The following SLC5A3 variants were observed in gnomAD, a reference collection of about 807,000 sequenced individuals.
The protein encoded by SLC5A3 is solute carrier family 5 member 3.
In SLC5A3, 10 loss-of-function variants were observed where a neutral mutation model predicts 43.2. The observed-to-expected ratio is 0.23, with a 90% CI of 0.14 to 0.39. SLC5A3 has a LOEUF of 0.39. SLC5A3 is among the 10% of genes least tolerant of loss of function. The pLI, the probability that SLC5A3 is intolerant of heterozygous loss-of-function variation, is 1.00. For missense variants in SLC5A3, 608 were observed against 893.4 expected (o/e 0.68, Z 4.07); for synonymous variants, 349 against 322.0 (o/e 1.08, Z -0.90).
intron 1 of SLC5A3, among the ~76,000 whole-genome samples, chr21:34,079,715 C>T (rs1357982156): frequency 4.2e-5 from 6 of 142,634 alleles, no homozygotes; most frequent in African/African-American, 1.6e-4. Flanking sequence ...TCCCAAAGTG[C>T]TGGGATTACA....
intron 1 of SLC5A3, among the ~76,000 whole-genome samples, chr21:34,090,292 C>G (rs1330059960): frequency 6.6e-6 from 1 of 152,200 alleles, no homozygotes; most frequent in Non-Finnish European, 1.5e-5. Context: ...GAGGACAGTC[C>G]TATGTGAGTA....
Position 34,098,054 on chromosome 21 carries a change from G to A in SLC5A3, c.*699G>A, listed in dbSNP as rs1979055938. On this transcript the variant is annotated 3_prime_UTR_variant, in exon 2 of 2. Coordinates refer to ENST00000381151, the MANE Select transcript of SLC5A3 (RefSeq NM_006933.7). The stretch of plus-strand genomic sequence containing the variant: ...CCATACTGAAATGACCAACAAGTCT[G>A]CCTGTAAAGTTACATGTCATGATTG... The A allele has an allele frequency of 2.0e-6, 2 of 998,888 alleles. No individual in the cohort carries two copies. Among genetic ancestry groups the A allele is most frequent in the South Asian group, 9.4e-5 (2 of 21,264 alleles). 61.9% of individuals were successfully genotyped at this position (998,888 alleles called of 1,614,324 possible). A position where few individuals can be genotyped will look rare whatever the true frequency, so the allele number is the denominator to read the frequency against.
Position 34,101,574 on chromosome 21 carries a change from T to C in SLC5A3, c.*4219T>C. The stretch of plus-strand genomic sequence containing the variant: ...AGACTGGTCTTTCTCTTTGTCTTCC[T>C]TCACATTGCTGTGTCAGTTCTACAC... On this transcript the variant is annotated 3_prime_UTR_variant, in exon 2 of 2. Coordinates refer to ENST00000381151, the MANE Select transcript of SLC5A3 (RefSeq NM_006933.7). 1 of 1,000,132 alleles carries C rather than the reference T, an allele frequency of 1.0e-6. No homozygotes were observed. The highest frequency in any genetic ancestry group is 1.2e-6 in the Non-Finnish European group (1 of 829,894). 62.0% of individuals were successfully genotyped at this position (1,000,132 alleles called of 1,614,324 possible). A position where few individuals can be genotyped will look rare whatever the true frequency, so the allele number is the denominator to read the frequency against.
Position 34,097,012 on chromosome 21 carries a change from T to G in SLC5A3, c.1814T>G (p.Leu605Arg). 1 of 1,614,174 alleles carries G rather than the reference T, an allele frequency of 6.2e-7. No homozygotes were observed. Among genetic ancestry groups the G allele is most frequent in the Non-Finnish European group, 8.5e-7 (1 of 1,180,008 alleles). The change falls in exon 2 of 2, where the codon CTG (leucine) becomes CGG (arginine). Residue 605 changes from leucine (L) to arginine (R), a missense_variant. Physicochemically the swap from Leu to Arg is moderately radical, Grantham distance 102. This residue lies in a region of SLC5A3 where 210 missense variants were observed against 224.8 expected (regional missense o/e 0.93). Coordinates refer to ENST00000381151, the MANE Select transcript of SLC5A3 (RefSeq NM_006933.7). ...IKGLQPEDVN[L>R]LVTCREEGNP... ...GGCCTTCAGCCTGAAGATGTTAATC[T>G]GTTGGTAACCTGCAGAGAGGAGGGC... is the stretch of plus-strand genomic sequence containing the variant.
intron 1 of SLC5A3, among the ~76,000 whole-genome samples, chr21:34,084,950 G>C (rs1989538181): frequency 6.6e-6 from 1 of 152,026 alleles, no homozygotes; most frequent in African/African-American, 2.4e-5. Flanking sequence ...TATTTTGAGA[G>C]TTGCAGACAT....
rs1328671620 is a variant in SLC5A3 at position 34,102,837 on chromosome 21, T to G, written c.*5482T>G. The stretch of plus-strand genomic sequence containing the variant: ...GAAGCTTTTCCCCTCACTTCTAGGT[T>G]GTTTACATTCAGAGCTCTATCAATA... On this transcript the variant is annotated 3_prime_UTR_variant, in exon 2 of 2. Coordinates refer to ENST00000381151, the MANE Select transcript of SLC5A3 (RefSeq NM_006933.7). The G allele has an allele frequency of 2.0e-6, 2 of 1,000,060 alleles. No individual in the cohort carries two copies. Among genetic ancestry groups the G allele is most frequent in the Non-Finnish European group, 2.4e-6 (2 of 829,960 alleles). The allele number at this position is 1,000,060 out of a possible 1,614,324, so 61.9% of individuals were successfully genotyped here.
At position 34,095,306 on chromosome 21, in the gene SLC5A3, G is replaced by C. The variant is rs752875736; in HGVS notation, c.108G>C (p.Val36=). ...TGTGGAAATCTAATAGAAGCACCGTGAGTGGATACTTCCTGGCGGGGCGCT... is the reference window on the plus strand; with the variant it reads ...TGTGGAAATCTAATAGAAGCACCGTCAGTGGATACTTCCTGGCGGGGCGCT... The part of the protein sequence containing the change: ...FAMWKSNRST[V]SGYFLAGRSM... Residue 36 remains valine (V), a synonymous_variant, in exon 2 of 2, where the codon GTG becomes GTC. Transcript: ENST00000381151. 10 of 1,614,120 alleles carry C rather than the reference G, an allele frequency of 6.2e-6. No homozygotes were observed. The South Asian group carries it at 9.9e-5, about 16-fold the overall frequency.
At position 34,099,946 on chromosome 21, in the gene SLC5A3, T is replaced by A. The variant is rs144500704; in HGVS notation, c.*2591T>A. 5 of 413,738 alleles carry A rather than the reference T, an allele frequency of 1.2e-5. No individual in the cohort carries two copies. In the East Asian group the frequency reaches 8.0e-4, roughly 66 times the overall value. The allele number at this position is 413,738 out of a possible 1,614,324, so 25.6% of individuals were successfully genotyped here. On this transcript the variant is annotated 3_prime_UTR_variant, in exon 2 of 2. Coordinates refer to ENST00000381151, the MANE Select transcript of SLC5A3 (RefSeq NM_006933.7). ...ACTTAATTCAGGGACCAGTCTTCAA[T>A]CTATATTTCATTAGAATGATTGTTC...
Position 34,097,283 on chromosome 21 carries a change from A to G in SLC5A3, c.2085A>G (p.Lys695=), listed in dbSNP as rs760343616. Residue 695 remains lysine, a synonymous_variant, in exon 2 of 2, where the codon AAA becomes AAG. Coordinates refer to ENST00000381151, the MANE Select transcript of SLC5A3 (RefSeq NM_006933.7). Reference sequence around the variant, plus strand: ...TGCTAGAAGAGACTCGGCAAGTTAAAGTAATACTAAATATTGGACTTTTTG... The same window carrying G: ...TGCTAGAAGAGACTCGGCAAGTTAAGGTAATACTAAATATTGGACTTTTTG... ...LQMLEETRQV[K]VILNIGLFAV... 1 of 1,613,424 alleles carries G rather than the reference A, an allele frequency of 6.2e-7. No individual in the cohort carries two copies. The highest frequency in any genetic ancestry group is 8.5e-7 in the Non-Finnish European group (1 of 1,179,738).
chr21:34,095,420 A>G lies in SLC5A3; in HGVS notation c.222A>G (p.Ala74=), dbSNP rs1569416393. 4 of 1,614,134 alleles carry G rather than the reference A, an allele frequency of 2.5e-6. No individual in the cohort carries two copies. The highest frequency in any genetic ancestry group is 3.4e-6 in the Non-Finnish European group (4 of 1,179,998). The change falls in exon 2 of 2, where the codon GCA becomes GCG. Residue 74 remains alanine (A), a synonymous_variant. Coordinates refer to ENST00000381151, the MANE Select transcript of SLC5A3 (RefSeq NM_006933.7). ...TTGGGCTGGCAGGATCTGGAGCTGC[A>G]AGTGGATTTGCAGTGGGCGCATGGG... ...HFIGLAGSGA[A]SGFAVGAWEF...
intron 1 of SLC5A3, among the ~76,000 whole-genome samples, chr21:34,084,700 T>C (rs918044544): frequency 6.6e-6 from 1 of 152,232 alleles, no homozygotes; most frequent in Non-Finnish European, 1.5e-5. Context: ...TCATACGTAA[T>C]GGTAAATACA....
chr21:34,097,242 G>A lies in SLC5A3; in HGVS notation c.2044G>A (p.Ala682Thr). The A allele has an allele frequency of 6.2e-7, 1 of 1,614,038 alleles. No homozygotes were observed. Among genetic ancestry groups the A allele is most frequent in the South Asian group, 1.1e-5 (1 of 91,086 alleles). ...RSLRDLMEEE[A>T]VCLQMLEETR... Reference sequence around the variant, plus strand: ...TCTCAGAGACCTGATGGAAGAGGAGGCTGTTTGTTTACAGATGCTAGAAGA... The same window carrying A: ...TCTCAGAGACCTGATGGAAGAGGAGACTGTTTGTTTACAGATGCTAGAAGA... The change falls in exon 2 of 2, where the codon GCT becomes ACT. Residue 682 changes from alanine (A) to threonine (T), a missense_variant. This residue lies in a region of SLC5A3 where 210 missense variants were observed against 224.8 expected (regional missense o/e 0.93). Coordinates refer to ENST00000381151, the MANE Select transcript of SLC5A3 (RefSeq NM_006933.7).
At chr21:34,075,823 T>C (rs1200961479) in intron 1 of SLC5A3, among the ~76,000 whole-genome samples, 1 of 152,194 alleles carries the variant, frequency 6.6e-6, no homozygotes, top group African/African-American at 2.4e-5. Context: ...GAAAATAGGA[T>C]TCTAAAATAG....
intron 1 of SLC5A3, among the ~76,000 whole-genome samples, chr21:34,083,265 G>A (rs548605070): frequency 6.6e-6 from 1 of 152,336 alleles, no homozygotes; most frequent in East Asian, 1.9e-4. Flanking sequence ...CAGCTGCTGG[G>A]AAGATGCTCT....
At chr21:34,081,643 C>T (rs1489711604) in intron 1 of SLC5A3, among the ~76,000 whole-genome samples, 1 of 152,046 alleles carries the variant, frequency 6.6e-6, no homozygotes, top group Non-Finnish European at 1.5e-5. Context: ...CCTTCTGGAT[C>T]CTCAGTTCCT....
intron 1 of SLC5A3, among the ~76,000 whole-genome samples, chr21:34,093,225 C>G (rs1978796244): frequency 6.6e-6 from 1 of 151,180 alleles, no homozygotes; most frequent in African/African-American, 2.4e-5. Flanking sequence ...TGATACAAAC[C>G]TCAACTTTTA....
In SLC5A3 at chr21:34,096,848, G is replaced by T. The variant is rs760014481; in HGVS notation, c.1650G>T (p.Lys550Asn). 4 of 1,613,942 alleles carry T rather than the reference G, an allele frequency of 2.5e-6. No individual in the cohort carries two copies. Among genetic ancestry groups the T allele is most frequent in the African/African-American group, 2.7e-5 (2 of 74,894 alleles). ...GAACCACCACCTTTTGGTCTAAGAA[G>T]AACCTGGTGGTGAAGGAGAACTGCT... is the stretch of plus-strand genomic sequence containing the variant. ...QIRTTTFWSK[K>N]NLVVKENCSP... Residue 550 changes from lysine to asparagine, a missense_variant, in exon 2 of 2, where the codon AAG becomes AAT. Around this residue, in one of 2 missense-constraint regions of SLC5A3, gnomAD observed 210 missense variants for 224.8 expected, o/e 0.93. Coordinates refer to ENST00000381151, the MANE Select transcript of SLC5A3 (RefSeq NM_006933.7). The surrounding 1 kb of genome is among the most constrained non-coding windows in gnomAD (Gnocchi z 5.9).
rs963484161 is a variant in SLC5A3, at chr21:34,100,178, G to A, written c.*2823G>A. 1.0e-6 allele frequency: 1 copy of A among 1,000,032 alleles called. No homozygotes were observed. Among genetic ancestry groups the A allele is most frequent in the Non-Finnish European group, 1.2e-6 (1 of 829,910 alleles). The allele number at this position is 1,000,032 out of a possible 1,614,324, so 61.9% of individuals were successfully genotyped here. A position where few individuals can be genotyped will look rare whatever the true frequency, so the allele number is the denominator to read the frequency against. On this transcript the variant is annotated 3_prime_UTR_variant, in exon 2 of 2. Transcript: ENST00000381151. ...GAGGTGAGGACACTGGTCTTGGAAG[G>A]TAGAGAAAAATAAATGTCTTACCAG...
Position 34,098,463 on chromosome 21 carries a change from A to ATT in SLC5A3, c.*1117_*1118dup, listed in dbSNP as rs143708036. ...TGCATCCTTGATAAGTTTTTCCCTG[A>ATT]TTTTTTTTTTCCTCAAAAGACTTTC... is the stretch of plus-strand genomic sequence containing the variant. On this transcript the variant is annotated 3_prime_UTR_variant, in exon 2 of 2. Coordinates refer to ENST00000381151, the MANE Select transcript of SLC5A3 (RefSeq NM_006933.7). 5.2e-6 allele frequency: 5 copies of ATT among 965,326 alleles called. No homozygotes were observed. The African/African-American group carries it at 8.9e-5, about 17-fold the overall frequency. 59.8% of individuals were successfully genotyped at this position (965,326 alleles called of 1,614,324 possible).
Sources: gnomAD v4.1 joint callset for allele counts (sites outside exome capture counted in the v4.1 genomes callset) on GRCh38, gnomAD v4.1.1 for gene constraint, gnomAD v4.1.1 regional missense constraint, Gnocchi (gnomAD v3.1) non-coding constraint, MANE v1.5 for transcripts, NCBI Gene and HGNC (gene_info 2026-07-23, HGNC 2026-07-21) for gene names.